The following CFAP251 variants were observed in gnomAD, a reference collection of about 807,000 sequenced individuals.
CFAP251 encodes the protein cilia and flagella associated protein 251.
A neutral mutation model predicts 126.7 loss-of-function variants in CFAP251; 93 were observed. The ratio of observed to expected loss-of-function variants is 0.73; its 90% confidence interval spans 0.62 to 0.87. The LOEUF (loss-of-function observed/expected upper bound fraction) is 0.87. Among genes scored for constraint, CFAP251 ranks in the 40% least tolerant of loss-of-function variants. The probability of loss-of-function intolerance (pLI) is 0.00; values close to 1 mark genes in which losing one functional copy is unlikely to be tolerated. For missense variants in CFAP251, 1,287 were observed against 1,389.2 expected (o/e 0.93, Z 1.17); for synonymous variants, 503 against 506.9 (o/e 0.99, Z 0.10).
At position 121,923,683 on chromosome 12, in the gene CFAP251, A is replaced by T; in HGVS notation, c.440A>T (p.Glu147Val). ...SLQLEDAETD[E>V]LLRDLSTQIE... ...CAATTGGAGGATGCAGAAACAGATG[A>T]GCTTTTAAGAGACCTGAGCACACAA... Residue 147 changes from glutamate to valine, a missense_variant, in exon 3 of 22, where the codon GAG becomes GTG. Glu to Val is a moderately radical substitution (Grantham distance 121). Coordinates refer to ENST00000288912, the MANE Select transcript of CFAP251 (RefSeq NM_144668.6). The T allele has an allele frequency of 6.2e-7, 1 of 1,614,160 alleles. No individual in the cohort carries two copies. The highest frequency in any genetic ancestry group is 8.5e-7 in the Non-Finnish European group (1 of 1,180,028).
At chr12:121,949,100 G>A (rs763269181) in intron 8 of CFAP251, 39 bp downstream of exon 8, 104 of 1,350,730 alleles carry the variant, frequency 7.7e-5, no homozygotes, top group Non-Finnish European at 1.0e-4. Context: ...AATGTGGGTA[G>A]AAGTATGTGT....
chr12:121,948,394 T>G (rs7134726), intron 7 of CFAP251: 31,691 of 152,110 alleles, frequency 0.21, 7,026 homozygotes, highest in African/African-American at 0.56. Context: ...TTTATTATTA[T>G]TATTGTTATT....
intron 21 of CFAP251, 150 bp downstream of exon 21, chr12:122,001,748 G>C (rs1322467347): frequency 1.5e-6 from 1 of 675,494 alleles, no homozygotes; most frequent in Non-Finnish European, 2.7e-6. Context: ...ACATGAATAA[G>C]TTATGAAAAG....
chr12:121,931,590 G>A (rs1880691917), intron 3 of CFAP251, among the ~76,000 whole-genome samples, 156 bp from the exon 4 acceptor site: 2 of 152,232 alleles, frequency 1.3e-5, no homozygotes, highest in Admixed American at 6.5e-5. Flanking sequence ...TGGGATTACA[G>A]GCATGAGCCA....
chr12:121,948,885 C>A, intron 7 of CFAP251, 99 bp from the exon 8 acceptor site: 2 of 672,570 alleles, frequency 3.0e-6, no homozygotes, highest in Non-Finnish European at 4.9e-6. Flanking sequence ...TATATTCCTA[C>A]TCATTTGTTT....
chr12:121,944,627 G>A (rs980450211), intron 7 of CFAP251, among the ~76,000 whole-genome samples: 4 of 151,952 alleles, frequency 2.6e-5, no homozygotes, highest in Non-Finnish European at 5.9e-5. Flanking sequence ...AGGATTTTGT[G>A]GTTTTTTGAT....
chr12:121,954,165 T>G lies in CFAP251; in HGVS notation c.1366T>G (p.Leu456Val). The G allele has an allele frequency of 6.2e-7, 1 of 1,614,154 alleles. No individual in the cohort carries two copies. Among genetic ancestry groups the G allele is most frequent in the African/African-American group, 1.3e-5 (1 of 75,052 alleles). The stretch of plus-strand genomic sequence containing the variant: ...AAAGTTTAGCCAGTCCATCTTTCAC[T>G]TGAATTTAACACAAATACTCTCAGC... ...VGKFSQSIFH[L>V]NLTQILSATM... The change falls in exon 10 of 22, where the codon TTG becomes GTG. Residue 456 changes from leucine to valine, a missense_variant. Coordinates refer to ENST00000288912, the MANE Select transcript of CFAP251 (RefSeq NM_144668.6).
Position 121,921,518 on chromosome 12 carries a change from G to T in CFAP251, c.213G>T (p.Lys71Asn). 3 of 1,613,902 alleles carry T rather than the reference G, an allele frequency of 1.9e-6. No individual in the cohort carries two copies. Among genetic ancestry groups the T allele is most frequent in the Non-Finnish European group, 2.5e-6 (3 of 1,179,898 alleles). The change falls in exon 2 of 22, where the codon AAG (lysine) becomes AAT (asparagine). Residue 71 changes from lysine to asparagine, a missense_variant. By Grantham distance (94) the Lys-to-Asn change is moderately conservative. Coordinates refer to ENST00000288912, the MANE Select transcript of CFAP251 (RefSeq NM_144668.6). ...AGGAGGAGGGGAAGGAGGACAAAAA[G>T]ATTGTCATGGAAGAAACTGAGGAAA... ...EGEEEGKEDK[K>N]IVMEETEEKA...
chr12:121,919,126 TTA>T (rs539728245), intron 1 of CFAP251, among the ~76,000 whole-genome samples: 4,992 of 47,056 alleles, frequency 0.11, 138 homozygotes, highest in Middle Eastern at 0.32. Flanking sequence ...CATTATTTAT[TTA>T]TTATTATTAT....
chr12:121,934,630 A>G (rs1880818066), intron 5 of CFAP251, among the ~76,000 whole-genome samples: 1 of 152,116 alleles, frequency 6.6e-6, no homozygotes, highest in Non-Finnish European at 1.5e-5. Context: ...GCAGTTCTTA[A>G]TGGTTGCTAC....
chr12:121,955,681 G>A (rs180690101), intron 10 of CFAP251: 9 of 152,212 alleles, frequency 5.9e-5, no homozygotes, highest in African/African-American at 1.9e-4. Context: ...GCTTCCATTC[G>A]CCTTTCTTTC....
chr12:121,983,649 C>T (rs151275857), intron 19 of CFAP251, among the ~76,000 whole-genome samples: 106 of 152,204 alleles, frequency 7.0e-4, no homozygotes, highest in African/African-American at 2.3e-3. Flanking sequence ...GTTCTCCCGG[C>T]TGACCCCACC....
chr12:121,994,161 T>G (rs1389789380), intron 19 of CFAP251, among the ~76,000 whole-genome samples: 2 of 55,696 alleles, frequency 3.6e-5, no homozygotes, highest in African/African-American at 8.2e-5. Flanking sequence ...GTGGGGGGGG[T>G]CAGCCCCCCC....
chr12:121,921,585 G>C lies in CFAP251; in HGVS notation c.280G>C (p.Glu94Gln). The C allele has an allele frequency of 1.2e-6, 2 of 1,614,108 alleles. No homozygotes were observed. Among genetic ancestry groups the C allele is most frequent in the Non-Finnish European group, 1.7e-6 (2 of 1,180,032 alleles). ...AGAGAAGGAGGCTTCAGGAATACAGGAAGAAACCACAGTAGAGCCCCAAGA... is the reference window on the plus strand; with the variant it reads ...AGAGAAGGAGGCTTCAGGAATACAGCAAGAAACCACAGTAGAGCCCCAAGA... ...VQEKEASGIQEETTVEPQEVT... is the reference protein window; with the variant it reads ...VQEKEASGIQQETTVEPQEVT... The change falls in exon 2 of 22, where the codon GAA (glutamate) becomes CAA (glutamine). Residue 94 changes from glutamate (E) to glutamine (Q), a missense_variant. Glu to Gln is a conservative substitution (Grantham distance 29). Coordinates refer to ENST00000288912, the MANE Select transcript of CFAP251 (RefSeq NM_144668.6).
In CFAP251 at chr12:121,989,072, G is replaced by T. The variant is rs1252609025; in HGVS notation, c.3007-10644G>T. On this transcript the variant is annotated intron_variant, in intron 19 of 21. Coordinates refer to ENST00000288912, the MANE Select transcript of CFAP251 (RefSeq NM_144668.6). The surrounding 1 kb of genome is among the most constrained non-coding windows in gnomAD (Gnocchi z 4.2). ...TTCACTTGAGCTAGGAACCATCTGG[G>T]GCTTTAGGGTGCATGAGGCAGGATC... 6.6e-6 allele frequency among the ~76,000 whole-genome samples: 1 copy of T among 152,100 alleles called. No individual in the cohort carries two copies. The highest frequency in any genetic ancestry group is 1.5e-5 in the Non-Finnish European group (1 of 68,018).
Position 121,970,769 on chromosome 12 carries a change from T to C in CFAP251, c.2771+2600T>C, listed in dbSNP as rs370081620. On this transcript the variant is annotated intron_variant, in intron 17 of 21. Transcript: ENST00000288912. ...TCACGGACAGCGGCACACTTGGTGC[T>C]CACAGCACTTGCTGTCTACTTGGCC... Among the ~76,000 whole-genome samples the C allele has an allele frequency of 7.2e-5, 11 of 152,378 alleles. No homozygotes were observed. The East Asian group carries it at 1.2e-3, about 16-fold the overall frequency.
chr12:121,969,201 A>G, intron 17 of CFAP251: 1 of 985,406 alleles, frequency 1.0e-6, no homozygotes, highest in Non-Finnish European at 1.2e-6. Context: ...TTTATGGCAG[A>G]TATTGAAGCT....
intron 15 of CFAP251, among the ~76,000 whole-genome samples, chr12:121,962,840 A>C (rs1881989820): frequency 6.6e-6 from 1 of 152,106 alleles, no homozygotes; most frequent in Non-Finnish European, 1.5e-5. Context: ...GTGCGGTTGG[A>C]GGAAAGACAG....
chr12:121,958,819 C>G, intron 12 of CFAP251, 124 bp from the exon 13 acceptor site: 1 of 1,238,014 alleles, frequency 8.1e-7, no homozygotes, highest in Non-Finnish European at 1.1e-6. Flanking sequence ...GTTCATTTCT[C>G]CGCACGGGAG....
Sources: gnomAD v4.1 joint callset for allele counts (sites outside exome capture counted in the v4.1 genomes callset) on GRCh38, gnomAD v4.1.1 for gene constraint, Gnocchi (gnomAD v3.1) non-coding constraint, MANE v1.5 for transcripts, NCBI Gene and HGNC (gene_info 2026-07-23, HGNC 2026-07-21) for gene names.